The following CATSPERE variants were observed in gnomAD, a reference collection of about 807,000 sequenced individuals.
The protein encoded by CATSPERE is cation channel sperm-associated auxiliary subunit epsilon.
Under a neutral mutation model 114.1 loss-of-function variants are expected in CATSPERE, and 93 were observed. That is an observed-to-expected ratio of 0.81 (90% CI 0.69 to 0.97). CATSPERE has a LOEUF of 0.97. CATSPERE is among the 50% of genes least tolerant of loss of function. CATSPERE has a pLI of 0.00. For synonymous variants in CATSPERE, 341 were observed against 384.1 expected (o/e 0.89, Z 1.31); for missense variants, 1,058 against 1,131.6 (o/e 0.93, Z 0.93).
chr1:244,578,161 G>T (rs7537457), intron 11 of CATSPERE, among the ~76,000 whole-genome samples: 28,531 of 151,982 alleles, frequency 0.19, 3,895 homozygotes, highest in East Asian at 0.4. Flanking sequence ...TTGGTTTGTT[G>T]GTTTGTTTTG....
chr1:244,623,457 T>C (rs983188136), intron 20 of CATSPERE, among the ~76,000 whole-genome samples: 2 of 152,218 alleles, frequency 1.3e-5, no homozygotes, highest in Admixed American at 6.5e-5. Flanking sequence ...ACACTCGTTA[T>C]ATCCATGTGT....
At chr1:244,626,357 C>A (rs1673187713) in intron 20 of CATSPERE, among the ~76,000 whole-genome samples, 1 of 151,868 alleles carries the variant, frequency 6.6e-6, no homozygotes, top group Non-Finnish European at 1.5e-5. Context: ...TGGTGGCAGG[C>A]ACCTGTAATC....
At chr1:244,627,756 G>A (rs1188833176) in intron 20 of CATSPERE, among the ~76,000 whole-genome samples, 1 of 152,182 alleles carries the variant, frequency 6.6e-6, no homozygotes, top group African/African-American at 2.4e-5. Flanking sequence ...TTACCTGCAT[G>A]CTATTTCTCC....
chr1:244,477,527 G>A lies in CATSPERE; in HGVS notation c.115-14G>A, dbSNP rs1323827246. 6.7e-7 allele frequency: 1 copy of A among 1,502,358 alleles called. No individual in the cohort carries two copies. The highest frequency in any genetic ancestry group is 1.8e-5 in the Admixed American group (1 of 56,366). 93.1% of individuals were successfully genotyped at this position (1,502,358 alleles called of 1,614,324 possible). A position where few individuals can be genotyped will look rare whatever the true frequency, so the allele number is the denominator to read the frequency against. On this transcript the variant is annotated splice_polypyrimidine_tract_variant and intron_variant, in intron 2 of 21. Coordinates refer to ENST00000366534, the MANE Select transcript of CATSPERE (RefSeq NM_001130957.2). ...AATGATATTTTTTGTTCGAACTCTT[G>A]TTTTCTTTTTTAGATTAAGTTAGAG...
chr1:244,493,985 C>T lies in CATSPERE; in HGVS notation c.351+3514C>T, dbSNP rs556412400. 2.9e-3 allele frequency among the ~76,000 whole-genome samples: 439 copies of T among 152,240 alleles called. 1 individual carries two copies. Among genetic ancestry groups the T allele is most frequent in the Non-Finnish European group, 4.3e-3 (294 of 68,026 alleles). Reference sequence around the variant, plus strand: ...TGGAGAGGATGTGGAGAAATAGGAACACTTTTACACTGTTGATGGGACTGT... The same window carrying T: ...TGGAGAGGATGTGGAGAAATAGGAATACTTTTACACTGTTGATGGGACTGT... On this transcript the variant is annotated intron_variant, in intron 6 of 21. Transcript: ENST00000366534.
At chr1:244,565,626 T>G (rs1479424977) in intron 10 of CATSPERE, among the ~76,000 whole-genome samples, 3 of 152,174 alleles carry the variant, frequency 2.0e-5, no homozygotes, top group Non-Finnish European at 2.9e-5. Context: ...TATTTGGTTC[T>G]TCTCTCCTTT....
In CATSPERE at chr1:244,533,504, G is replaced by A. The variant is rs575255459; in HGVS notation, c.536+14806G>A. Among the ~76,000 whole-genome samples, 7 of 151,702 alleles carry A rather than the reference G, an allele frequency of 4.6e-5. No individual in the cohort carries two copies. The South Asian group carries it at 1.3e-3, about 27-fold the overall frequency. On this transcript the variant is annotated intron_variant, in intron 8 of 21. Transcript: ENST00000366534. ...TCAGGTGGTATGTTTTAATTTCTTG[G>A]TGCTTTTTATTTTTTGTGTAGCTGT... is the stretch of plus-strand genomic sequence containing the variant.
intron 20 of CATSPERE, among the ~76,000 whole-genome samples, chr1:244,621,074 T>A (rs201937775): frequency 3.1e-4 from 16 of 51,990 alleles, no homozygotes; most frequent in Admixed American, 6.2e-4. Flanking sequence ...ATATATAAAA[T>A]ATATATATAA....
intron 7 of CATSPERE, among the ~76,000 whole-genome samples, chr1:244,508,303 C>CTT (rs1009692394): frequency 9.0e-5 from 12 of 133,190 alleles, no homozygotes; most frequent in South Asian, 7.2e-4. Context: ...TTTTTCTTTT[C>CTT]TTTTTTTTTT....
chr1:244,551,542 A>G (rs1442028304), intron 8 of CATSPERE, among the ~76,000 whole-genome samples: 1 of 152,218 alleles, frequency 6.6e-6, no homozygotes, highest in Non-Finnish European at 1.5e-5. Flanking sequence ...CACTCTATTC[A>G]TTTAACTAAA....
At chr1:244,578,740 T>C (rs1665681534) in intron 11 of CATSPERE, among the ~76,000 whole-genome samples, 2 of 149,206 alleles carry the variant, frequency 1.3e-5, no homozygotes, top group African/African-American at 4.9e-5. Context: ...CACACACATA[T>C]ATATATATAC....
At chr1:244,523,822 T>C (rs1204528878) in intron 8 of CATSPERE, among the ~76,000 whole-genome samples, 7 of 147,268 alleles carry the variant, frequency 4.8e-5, no homozygotes, top group Non-Finnish European at 8.9e-5. Context: ...AAACCACTGC[T>C]CAATGAAATA....
chr1:244,532,285 C>T (rs3003251), intron 8 of CATSPERE, among the ~76,000 whole-genome samples: 19,567 of 150,550 alleles, frequency 0.13, 2,194 homozygotes, highest in African/African-American at 0.31. Flanking sequence ...TTTTGTATTG[C>T]CTTCTTCATT....
In CATSPERE at chr1:244,547,942, GGAA is replaced by G. The variant is rs949054143; in HGVS notation, c.537-4370_537-4368del. Among the ~76,000 whole-genome samples, 50 of 152,280 alleles carry G rather than the reference GGAA, an allele frequency of 3.3e-4. 1 individual carries two copies. The highest frequency in any genetic ancestry group is 1.2e-3 in the African/African-American group (48 of 41,556). On this transcript the variant is annotated intron_variant, in intron 8 of 21. Coordinates refer to ENST00000366534, the MANE Select transcript of CATSPERE (RefSeq NM_001130957.2). ...ACACATAAACTGAAAGTAAAGGGAT[GGAA>G]GAAGAAGAAATGACCAGACATGCTA...
chr1:244,501,867 TCTC>T (rs1325889385), intron 7 of CATSPERE, among the ~76,000 whole-genome samples: 1 of 152,186 alleles, frequency 6.6e-6, no homozygotes, highest in African/African-American at 2.4e-5. Flanking sequence ...CTGCCCCTCT[TCTC>T]TGGCCTCAGC....
rs1387783849 is a variant in CATSPERE at position 244,593,700 on chromosome 1, A to T, written c.2303+122A>T. On this transcript the variant is annotated intron_variant, in intron 17 of 21. Coordinates refer to ENST00000366534, the MANE Select transcript of CATSPERE (RefSeq NM_001130957.2). ...TTTTAGACTCTACTCAATATATGCG[A>T]GACTTGGTTTTCAGTACTAGTTATA... 3.8e-6 allele frequency: 3 copies of T among 787,126 alleles called. No homozygotes were observed. The African/African-American group carries it at 5.3e-5, about 14-fold the overall frequency. 48.8% of individuals were successfully genotyped at this position (787,126 alleles called of 1,614,324 possible).
intron 5 of CATSPERE, among the ~76,000 whole-genome samples, chr1:244,486,290 C>G (rs545137909): frequency 6.3e-4 from 96 of 151,862 alleles, no homozygotes; most frequent in Admixed American, 1.8e-3. Context: ...TCGTAGTCAC[C>G]TGGTGGGTGG....
intron 20 of CATSPERE, among the ~76,000 whole-genome samples, chr1:244,619,221 A>C (rs1671779195): frequency 6.6e-6 from 1 of 152,234 alleles, no homozygotes; most frequent in South Asian, 2.1e-4. Flanking sequence ...CCAGGAGCAT[A>C]CATAAGTTAG....
chr1:244,525,007 A>G (rs965159163), intron 8 of CATSPERE, among the ~76,000 whole-genome samples: 1 of 145,578 alleles, frequency 6.9e-6, no homozygotes, highest in African/African-American at 2.7e-5. Context: ...CCAAAGGACT[A>G]TAAATCATGC....
Sources: allele counts gnomAD v4.1 joint callset (sites outside exome capture counted in the v4.1 genomes callset), GRCh38; gene constraint gnomAD v4.1.1; transcripts MANE v1.5; gene names NCBI Gene and HGNC (gene_info 2026-07-23, HGNC 2026-07-21).